The following SMO variants were observed in gnomAD, a reference collection of about 807,000 sequenced individuals.
SMO encodes the protein smoothened, frizzled class receptor, also known as protein smoothened.
In SMO, 40 loss-of-function variants were observed where a neutral mutation model predicts 81.6. The ratio of observed to expected loss-of-function variants is 0.49; its 90% confidence interval spans 0.38 to 0.64. The LOEUF (loss-of-function observed/expected upper bound fraction) is 0.64. SMO is among the 30% of genes least tolerant of loss of function. The probability of loss-of-function intolerance (pLI) is 0.00; values close to 1 mark genes in which losing one functional copy is unlikely to be tolerated. For missense variants in SMO, 916 were observed against 1,061.1 expected, an observed-to-expected ratio of 0.86 and a Z score of 1.90; for synonymous variants, 434 against 432.1, an observed-to-expected ratio of 1.00 and a Z score of -0.05.
Position 129,212,591 on chromosome 7 carries a change from G to A in SMO, c.*140G>A, listed in dbSNP as rs1563152457. ...CTGCCCTCCGAAGAGAGTTCTGGATGTCTGGCTCAAAGCAGCAGGACTGTG... is the reference window on the plus strand; with the variant it reads ...CTGCCCTCCGAAGAGAGTTCTGGATATCTGGCTCAAAGCAGCAGGACTGTG... On this transcript the variant is annotated 3_prime_UTR_variant, in exon 12 of 12. Transcript: ENST00000249373. This position sits in a 1 kb window ranked among gnomAD's most constrained non-coding sequence, Gnocchi z 5.0. 2 of 788,368 alleles carry A rather than the reference G, an allele frequency of 2.5e-6. No homozygotes were observed. The highest frequency in any genetic ancestry group is 1.8e-5 in the South Asian group (1 of 55,310). 48.8% of individuals were successfully genotyped at this position (788,368 alleles called of 1,614,324 possible).
In SMO at chr7:129,211,761, G is replaced by A. The variant is rs764646280; in HGVS notation, c.1927G>A (p.Ala643Thr). ...LPQDISVTPV[A>T]TPVPPEEQAN... is the part of the protein sequence containing the mutation. ...CCAGGATATTTCTGTCACCCCTGTG[G>A]CAACTCCAGGTATGAGAGTTCAAGC... is the stretch of plus-strand genomic sequence containing the variant. Residue 643 changes from alanine to threonine, a missense_variant, in exon 11 of 12, where the codon GCA becomes ACA. Ala to Thr is a moderately conservative substitution (Grantham distance 58). Coordinates refer to ENST00000249373, the MANE Select transcript of SMO (RefSeq NM_005631.5). The surrounding 1 kb of genome is among the most constrained non-coding windows in gnomAD (Gnocchi z 4.6). 1.2e-6 allele frequency: 2 copies of A among 1,614,096 alleles called. No individual in the cohort carries two copies.
chr7:129,198,021 G>A (rs1008934525), intron 1 of SMO, among the ~76,000 whole-genome samples: 5 of 152,130 alleles, frequency 3.3e-5, no homozygotes, highest in Non-Finnish European at 7.4e-5. Context: ...TCTCGTTTCA[G>A]TTTCATATCC....
At chr7:129,207,341 G>A (rs574182549) in intron 6 of SMO, among the ~76,000 whole-genome samples, 2 of 152,204 alleles carry the variant, frequency 1.3e-5, no homozygotes, top group East Asian at 3.9e-4. Flanking sequence ...TTCTGTCCCC[G>A]GCACACACAG....
chr7:129,202,803 C>T (rs1793692044), intron 1 of SMO, among the ~76,000 whole-genome samples: 1 of 152,114 alleles, frequency 6.6e-6, no homozygotes, highest in Non-Finnish European at 1.5e-5. Flanking sequence ...CAAATGGGCC[C>T]CGTGAGAGTT....
In SMO at chr7:129,189,994, T is replaced by A. The variant is rs985676875; in HGVS notation, c.331+512T>A. Among the ~76,000 whole-genome samples the A allele has an allele frequency of 3.9e-5, 6 of 152,084 alleles. No homozygotes were observed. Among genetic ancestry groups the A allele is most frequent in the African/African-American group, 1.4e-4 (6 of 41,410 alleles). ...AGAAACCTCCCTAGTGATGAATTAT[T>A]AAAAGGTAACCAGAAAGTTCTGGAA... On this transcript the variant is annotated intron_variant, in intron 1 of 11. Transcript: ENST00000249373. The surrounding 1 kb of genome is among the most constrained non-coding windows in gnomAD (Gnocchi z 4.7).
intron 1 of SMO, among the ~76,000 whole-genome samples, chr7:129,196,408 G>A (rs1793580521): frequency 6.6e-6 from 1 of 151,244 alleles, no homozygotes; most frequent in South Asian, 2.1e-4. Context: ...TTGAACTCCT[G>A]GGCTCAAGTG....
rs756558145 is a variant in SMO, at chr7:129,211,059, C to G, written c.1747C>G (p.Pro583Ala). The G allele has an allele frequency of 6.2e-7, 1 of 1,613,928 alleles. No individual in the cohort carries two copies. The highest frequency in any genetic ancestry group is 8.5e-7 in the Non-Finnish European group (1 of 1,179,898). Residue 583 changes from proline to alanine, a missense_variant, in exon 10 of 12, where the codon CCA becomes GCA. Around this residue, in one of 4 missense-constraint regions of SMO, gnomAD observed 324 missense variants for 312.9 expected, o/e 1.04. Coordinates refer to ENST00000249373, the MANE Select transcript of SMO (RefSeq NM_005631.5). The surrounding 1 kb of genome is among the most constrained non-coding windows in gnomAD (Gnocchi z 4.6). ...FSKRHELLQN[P>A]GQELSFSMHT... is the part of the protein sequence containing the mutation. The stretch of plus-strand genomic sequence containing the variant: ...TAAGCGGCACGAGCTCCTGCAGAAC[C>G]CAGGCCAGGAGCTGTCCTTCAGCAT...
At chr7:129,193,786 ATAT>A (rs1211000753) in intron 1 of SMO, among the ~76,000 whole-genome samples, 18 of 21,390 alleles carry the variant, frequency 8.4e-4, no homozygotes, top group African/African-American at 1.1e-3. Flanking sequence ...AAAAAAAAAA[ATAT>A]ATATATATAT....
Position 129,210,372 on chromosome 7 carries a change from C to T in SMO, c.1476C>T (p.Ala492=), listed in dbSNP as rs2150653654. ...RSFRDYVLCQ[A]NVTIGLPTKQ... ...CGTTCCCTCACTGTAGATGTCAGGC[C>T]AATGTGACCATCGGGCTGCCCACCA... is the stretch of plus-strand genomic sequence containing the variant. The change falls in exon 9 of 12, where the codon GCC becomes GCT. Residue 492 remains alanine (A), a synonymous_variant. Transcript: ENST00000249373. The surrounding 1 kb of genome is among the most constrained non-coding windows in gnomAD (Gnocchi z 4.7). The T allele has an allele frequency of 1.2e-6, 2 of 1,613,830 alleles. No individual in the cohort carries two copies. Among genetic ancestry groups the T allele is most frequent in the Non-Finnish European group, 1.7e-6 (2 of 1,179,702 alleles).
chr7:129,212,491 A>G lies in SMO; in HGVS notation c.*40A>G, dbSNP rs200263933. ...ACCTGGGACAGGAAAGAGAGGAACC[A>G]ATACCTTCAAGGCTCTTCTTCCTCA... is the stretch of plus-strand genomic sequence containing the variant. On this transcript the variant is annotated 3_prime_UTR_variant, in exon 12 of 12. Transcript: ENST00000249373. This position sits in a 1 kb window ranked among gnomAD's most constrained non-coding sequence, Gnocchi z 5.0. 5.7e-6 allele frequency: 9 copies of G among 1,569,424 alleles called. No homozygotes were observed. In the East Asian group the frequency reaches 1.8e-4, roughly 31 times the overall value.
chr7:129,207,776 CT>C (rs1793797533), intron 6 of SMO, among the ~76,000 whole-genome samples: 1 of 152,038 alleles, frequency 6.6e-6, no homozygotes, highest in Admixed American at 6.6e-5. Flanking sequence ...GCCTGTGGTC[CT>C]AGCTATGTGA....
At chr7:129,190,633 A>G (rs2150639295) in intron 1 of SMO, among the ~76,000 whole-genome samples, 1 of 152,350 alleles carries the variant, frequency 6.6e-6, no homozygotes, top group East Asian at 1.9e-4. Context: ...CCTTTGTCAG[A>G]TGTTGGACAA....
intron 1 of SMO, among the ~76,000 whole-genome samples, chr7:129,192,241 A>G (rs1317733821): frequency 1.3e-5 from 2 of 152,180 alleles, no homozygotes; most frequent in African/African-American, 2.4e-5. Flanking sequence ...TAGGAAGAGG[A>G]AATAGCATGT....
In SMO at chr7:129,212,188, A is replaced by G; in HGVS notation, c.2101A>G (p.Ile701Val). The change falls in exon 12 of 12, where the codon ATT (isoleucine) becomes GTT (valine). Residue 701 changes from isoleucine to valine, a missense_variant. Transcript: ENST00000249373. The surrounding 1 kb of genome is among the most constrained non-coding windows in gnomAD (Gnocchi z 5.0). ...CCCCCCTGCCCCTGCCCCCAGTACC[A>G]TTCCTCGACTGCCTCAGCTGCCCCG... Reference protein sequence around the residue: ...LHPPAPAPSTIPRLPQLPRQK... With the variant: ...LHPPAPAPSTVPRLPQLPRQK... 1 of 1,558,668 alleles carries G rather than the reference A, an allele frequency of 6.4e-7. No homozygotes were observed.
At chr7:129,193,646 C>A (rs974879827) in intron 1 of SMO, among the ~76,000 whole-genome samples, 1 of 146,490 alleles carries the variant, frequency 6.8e-6, no homozygotes, top group Non-Finnish European at 1.5e-5. Context: ...GTAGTCCCAG[C>A]TGCTTGGGAG....
intron 1 of SMO, 37 bp from the exon 2 acceptor site, chr7:129,203,347 G>A (rs2150646381): frequency 2.0e-6 from 3 of 1,469,772 alleles, no homozygotes; most frequent in Non-Finnish European, 2.8e-6. Flanking sequence ...GTCAGAGTGA[G>A]GAGGGGCCTT....
rs1793449761 is a variant in SMO, at chr7:129,189,438, C to T, written c.287C>T (p.Ser96Leu). ...ACCTCCACACTGCTGGCCGGAGACTCGGACTCCCAGGAGGAAGCGCACGGC... is the reference window on the plus strand; with the variant it reads ...ACCTCCACACTGCTGGCCGGAGACTTGGACTCCCAGGAGGAAGCGCACGGC... ...GATSTLLAGD[S>L]DSQEEAHGKL... is the part of the protein sequence containing the mutation. Residue 96 changes from serine to leucine, a missense_variant, in exon 1 of 12, where the codon TCG (serine) becomes TTG (leucine). By Grantham distance (145) the Ser-to-Leu change is moderately radical. Transcript: ENST00000249373. The surrounding 1 kb of genome is among the most constrained non-coding windows in gnomAD (Gnocchi z 4.7). The T allele has an allele frequency of 6.5e-7, 1 of 1,538,880 alleles. No homozygotes were observed. Among genetic ancestry groups the T allele is most frequent in the East Asian group, 2.4e-5 (1 of 40,902 alleles).
In SMO at chr7:129,212,493, TAC is replaced by T. The variant is rs765849455; in HGVS notation, c.*43_*44del. 2 of 1,559,916 alleles carry T rather than the reference TAC, an allele frequency of 1.3e-6. No homozygotes were observed. Among genetic ancestry groups the T allele is most frequent in the South Asian group, 2.3e-5 (2 of 87,958 alleles). On this transcript the variant is annotated 3_prime_UTR_variant, in exon 12 of 12. Coordinates refer to ENST00000249373, the MANE Select transcript of SMO (RefSeq NM_005631.5). The surrounding 1 kb of genome is among the most constrained non-coding windows in gnomAD (Gnocchi z 5.0). ...CTGGGACAGGAAAGAGAGGAACCAA[TAC>T]CTTCAAGGCTCTTCTTCCTCACCGA... is the stretch of plus-strand genomic sequence containing the variant.
At position 129,211,766 on chromosome 7, in the gene SMO, T is replaced by G; in HGVS notation, c.1932T>G (p.Thr644=). ...ATATTTCTGTCACCCCTGTGGCAAC[T>G]CCAGGTATGAGAGTTCAAGCTTCTG... The part of the protein sequence containing the change: ...PQDISVTPVA[T]PVPPEEQANL... Residue 644 remains threonine (T), a synonymous_variant, in exon 11 of 12, where the codon ACT becomes ACG. Transcript: ENST00000249373. The surrounding 1 kb of genome is among the most constrained non-coding windows in gnomAD (Gnocchi z 4.6). 1 of 1,613,962 alleles carries G rather than the reference T, an allele frequency of 6.2e-7. No homozygotes were observed. The highest frequency in any genetic ancestry group is 8.5e-7 in the Non-Finnish European group (1 of 1,179,960).
Sources: gnomAD v4.1 joint callset for allele counts (sites outside exome capture counted in the v4.1 genomes callset) on GRCh38, gnomAD v4.1.1 for gene constraint, gnomAD v4.1.1 regional missense constraint, Gnocchi (gnomAD v3.1) non-coding constraint, MANE v1.5 for transcripts, NCBI Gene and HGNC (gene_info 2026-07-23, HGNC 2026-07-21) for gene names.